EFR3A: variants seen among roughly 807,000 people sequenced by gnomAD.
EFR3A encodes EFR3 homolog A, also known as protein EFR3 homolog A.
A neutral mutation model predicts 104.4 loss-of-function variants in EFR3A; 76 were observed. The observed-to-expected ratio is 0.73, with a 90% CI of 0.60 to 0.88. EFR3A has a LOEUF of 0.88. EFR3A is among the 40% of genes least tolerant of loss of function. The probability of loss-of-function intolerance (pLI) is 0.00; values close to 1 mark genes in which losing one functional copy is unlikely to be tolerated. For synonymous variants in EFR3A, 330 were observed against 330.0 expected (o/e 1.00, Z 0.00); for missense variants, 985 against 1,012.5 (o/e 0.97, Z 0.37).
chr8:131,986,727 G>C (rs1820903544), intron 17 of EFR3A, among the ~76,000 whole-genome samples: 1 of 149,538 alleles, frequency 6.7e-6, no homozygotes, highest in South Asian at 2.1e-4. Context: ...GGAGGTTGCA[G>C]TGAGCCAAGA....
In EFR3A at chr8:131,955,825, G is replaced by C. The variant is rs1233057203; in HGVS notation, c.696G>C (p.Val232=). 6.2e-7 allele frequency: 1 copy of C among 1,613,550 alleles called. No individual in the cohort carries two copies. The highest frequency in any genetic ancestry group is 8.5e-7 in the Non-Finnish European group (1 of 1,179,598). Residue 232 remains valine (V), a synonymous_variant, in exon 7 of 23, where the codon GTG becomes GTC. Transcript: ENST00000254624. ...SATDKEENPA[V]LAENCFRELL... is the part of the protein sequence containing the mutation. ...CTGACAAAGAAGAGAATCCTGCTGT[G>C]CTGGCTGAAAACTGTTTCAGAGAAC...
intron 20 of EFR3A, among the ~76,000 whole-genome samples, chr8:132,002,239 G>T (rs143084852): frequency 6.6e-6 from 1 of 152,212 alleles, no homozygotes; most frequent in East Asian, 1.9e-4. Context: ...GTAGTACCTC[G>T]TATGTGCAAG....
chr8:131,973,704 C>T (rs1820189076), intron 10 of EFR3A, among the ~76,000 whole-genome samples: 6 of 152,058 alleles, frequency 3.9e-5, no homozygotes, highest in Admixed American at 3.9e-4. Flanking sequence ...AGCTTTTGCA[C>T]TTTAAGTTAT....
rs1312201067 is a variant in EFR3A, at chr8:131,909,154, GGCCTATAT to G, written c.10+4835_10+4842del. Among the ~76,000 whole-genome samples, 12 of 152,256 alleles carry G rather than the reference GGCCTATAT, an allele frequency of 7.9e-5. 1 individual carries two copies. Among genetic ancestry groups the G allele is most frequent in the South Asian group, 2.1e-4 (1 of 4,820 alleles). On this transcript the variant is annotated intron_variant, in intron 1 of 22. Transcript: ENST00000254624. The stretch of plus-strand genomic sequence containing the variant: ...CCGCCTTGCTCCCCCACATGCTTCT[GGCCTATAT>G]GCAGAATAGATTGAATTGTAACTGG...
rs1478158677 is a variant in EFR3A, at chr8:131,984,986, G to A, written c.1795G>A (p.Ala599Thr). The change falls in exon 16 of 23, where the codon GCA (alanine) becomes ACA (threonine). Residue 599 changes from alanine to threonine, a missense_variant. Coordinates refer to ENST00000254624, the MANE Select transcript of EFR3A (RefSeq NM_015137.6). ...AATGTTCCATCGTTGTGGAATCATG[G>A]CACTGGTTGCAGCATACCTCAACTT... is the stretch of plus-strand genomic sequence containing the variant. ...LPMFHRCGIM[A>T]LVAAYLNFVS... The A allele has an allele frequency of 6.2e-7, 1 of 1,613,610 alleles. No homozygotes were observed. The highest frequency in any genetic ancestry group is 8.5e-7 in the Non-Finnish European group (1 of 1,179,646).
chr8:131,991,463 A>G (rs1471736574), intron 18 of EFR3A, among the ~76,000 whole-genome samples: 1 of 152,190 alleles, frequency 6.6e-6, no homozygotes, highest in African/African-American at 2.4e-5. Flanking sequence ...ATAGAAATGA[A>G]TAGGAAAAAG....
At chr8:131,962,575 T>C (rs192337492) in intron 8 of EFR3A, among the ~76,000 whole-genome samples, 1 of 152,114 alleles carries the variant, frequency 6.6e-6, no homozygotes, top group African/African-American at 2.4e-5. Flanking sequence ...CGTTAGAGAC[T>C]AGAAAGAGAC....
At chr8:131,940,850 ATTAAT>A (rs1818138483) in intron 2 of EFR3A, among the ~76,000 whole-genome samples, 1 of 152,116 alleles carries the variant, frequency 6.6e-6, no homozygotes, top group African/African-American at 2.4e-5. Context: ...ACACTGTCGC[ATTAAT>A]TTATGTTCAT....
intron 1 of EFR3A, among the ~76,000 whole-genome samples, chr8:131,909,873 A>G (rs1029235864): frequency 2.0e-5 from 3 of 152,290 alleles, no homozygotes; most frequent in Admixed American, 2.0e-4. Context: ...CCTGGTTGAG[A>G]ACCACTGGCC....
At chr8:131,977,399 A>G (rs866894412) in intron 12 of EFR3A, among the ~76,000 whole-genome samples, 3 of 152,264 alleles carry the variant, frequency 2.0e-5, no homozygotes, top group Non-Finnish European at 4.4e-5. Flanking sequence ...CACCAAAGTC[A>G]CTGGGCTAAA....
chr8:131,944,099 A>G (rs1818304613), intron 2 of EFR3A, among the ~76,000 whole-genome samples: 1 of 152,062 alleles, frequency 6.6e-6, no homozygotes, highest in Admixed American at 6.6e-5. Flanking sequence ...CAATATTCCT[A>G]AGCAACACTT....
chr8:131,973,521 TA>T (rs1820179338), intron 10 of EFR3A, among the ~76,000 whole-genome samples: 1 of 152,212 alleles, frequency 6.6e-6, no homozygotes. Context: ...TGTAAGAATT[TA>T]AAAATGAGAG....
At chr8:131,968,237 A>C in intron 8 of EFR3A, 58 bp from the exon 9 acceptor site, 1 of 1,525,014 alleles carries the variant, frequency 6.6e-7, no homozygotes, top group South Asian at 1.3e-5. Flanking sequence ...TATTCTTAGG[A>C]ATTCTGCCAA....
intron 22 of EFR3A, among the ~76,000 whole-genome samples, chr8:132,010,449 T>TAA (rs1554610415): frequency 2.2e-3 from 279 of 128,376 alleles, no homozygotes; most frequent in Admixed American, 4.7e-3. Flanking sequence ...TATATATATA[T>TAA]AATGAAATAC....
At chr8:131,988,578 C>T (rs565245479) in intron 18 of EFR3A, among the ~76,000 whole-genome samples, 2 of 152,074 alleles carry the variant, frequency 1.3e-5, no homozygotes, top group East Asian at 1.9e-4. Context: ...TTGTGTTCCT[C>T]AGGAACTCCT....
chr8:131,996,833 C>T (rs985809840), intron 19 of EFR3A, among the ~76,000 whole-genome samples: 1 of 151,776 alleles, frequency 6.6e-6, no homozygotes, highest in African/African-American at 2.4e-5. Context: ...AATTAGTGGG[C>T]CCTCTAGGTC....
intron 8 of EFR3A, among the ~76,000 whole-genome samples, chr8:131,960,741 T>C (rs1819270740): frequency 6.6e-6 from 1 of 152,212 alleles, no homozygotes. Context: ...GTAAGGCATT[T>C]CTGGTAAAGG....
rs1818447758 is a variant in EFR3A, at chr8:131,946,499, A to G, written c.232A>G (p.Met78Val). The G allele has an allele frequency of 2.5e-6, 4 of 1,600,626 alleles. No homozygotes were observed. The South Asian group carries it at 3.4e-5, about 14-fold the overall frequency. ...TACATGTAGGTATGTTTTGATTGCT[A>G]TGGAGGCACTGGACCAACTTCTCAT... Reference protein sequence around the residue: ...RHRSGYVLIAMEALDQLLMAC... With the variant: ...RHRSGYVLIAVEALDQLLMAC... Residue 78 changes from methionine (M) to valine (V), a missense_variant, in exon 4 of 23, where the codon ATG (methionine) becomes GTG (valine). Coordinates refer to ENST00000254624, the MANE Select transcript of EFR3A (RefSeq NM_015137.6).
intron 1 of EFR3A, among the ~76,000 whole-genome samples, chr8:131,909,345 G>T (rs1334418036): frequency 6.6e-6 from 1 of 152,100 alleles, no homozygotes; most frequent in African/African-American, 2.4e-5. Context: ...TTGGCTGAGA[G>T]TTCTAGACCA....
Sources: gnomAD v4.1 joint callset for allele counts (sites outside exome capture counted in the v4.1 genomes callset) on GRCh38, gnomAD v4.1.1 for gene constraint, MANE v1.5 for transcripts, NCBI Gene and HGNC (gene_info 2026-07-23, HGNC 2026-07-21) for gene names.